Variants in STX12 observed in about 807,000 individuals in gnomAD.
The protein encoded by STX12 is syntaxin-12.
STX12 carries 17 observed loss-of-function variants against 42.2 expected under a neutral mutation model. That is an observed-to-expected ratio of 0.40 (90% CI 0.28 to 0.60). The LOEUF is 0.60. STX12 is among the 20% of genes least tolerant of loss of function. STX12 has a pLI of 0.39. For missense variants in STX12, 297 were observed against 330.9 expected, an observed-to-expected ratio of 0.90 and a Z score of 0.79; for synonymous variants, 108 against 116.7, an observed-to-expected ratio of 0.93 and a Z score of 0.48.
At chr1:27,776,356 T>C (rs559660942) in intron 1 of STX12, among the ~76,000 whole-genome samples, 6 of 152,140 alleles carry the variant, frequency 3.9e-5, no homozygotes, top group African/African-American at 1.4e-4. Context: ...CAAATGACAA[T>C]ATCTGAATTT....
chr1:27,780,585 T>A (rs1485808887), intron 1 of STX12, among the ~76,000 whole-genome samples: 1 of 152,100 alleles, frequency 6.6e-6, no homozygotes, highest in Non-Finnish European at 1.5e-5. Context: ...TCCCCTTCCA[T>A]GTATTAACCT....
intron 4 of STX12, among the ~76,000 whole-genome samples, chr1:27,808,244 G>A (rs1272903259): frequency 1.3e-5 from 2 of 151,724 alleles, no homozygotes; most frequent in Non-Finnish European, 2.9e-5. Context: ...GTCCTGTATT[G>A]CTATTATAAA....
intron 1 of STX12, among the ~76,000 whole-genome samples, chr1:27,788,782 C>A (rs186759358): frequency 2.0e-5 from 3 of 152,194 alleles, no homozygotes; most frequent in East Asian, 3.9e-4. Flanking sequence ...GAGGCCGAGG[C>A]GAGTGGATCA....
chr1:27,777,320 T>C (rs1308411888), intron 1 of STX12, among the ~76,000 whole-genome samples: 2 of 151,392 alleles, frequency 1.3e-5, no homozygotes, highest in African/African-American at 2.4e-5. Context: ...AAAGGCATTC[T>C]AGGTAGAGGG....
At chr1:27,812,345 CT>C in intron 6 of STX12, 77 bp downstream of exon 6, 1 of 1,076,748 alleles carries the variant, frequency 9.3e-7, no homozygotes, top group Non-Finnish European at 1.4e-6. Flanking sequence ...CTTTAATTCT[CT>C]TAGTGATTAT....
chr1:27,775,280 T>A (rs2088621733), intron 1 of STX12, among the ~76,000 whole-genome samples: 1 of 152,120 alleles, frequency 6.6e-6, no homozygotes, highest in Non-Finnish European at 1.5e-5. Context: ...TAAATTTAAA[T>A]TTTTATTTTG....
At chr1:27,803,422 G>A (rs2088839067) in intron 4 of STX12, among the ~76,000 whole-genome samples, 1 of 152,158 alleles carries the variant, frequency 6.6e-6, no homozygotes, top group South Asian at 2.1e-4. Flanking sequence ...GAATGTTGAT[G>A]AAGGACAATA....
intron 5 of STX12, among the ~76,000 whole-genome samples, chr1:27,811,592 C>T (rs1377500847): frequency 6.6e-6 from 1 of 151,878 alleles, no homozygotes; most frequent in African/African-American, 2.4e-5. Flanking sequence ...CTGCCTCGGC[C>T]TCCCAAAGTG....
chr1:27,790,677 C>T (rs11247687), intron 2 of STX12, among the ~76,000 whole-genome samples: 14,717 of 152,246 alleles, frequency 0.097, 2,392 homozygotes, highest in African/African-American at 0.33. Flanking sequence ...TGCAGTGACT[C>T]ATGCCTGTAA....
rs761541320 is a variant in STX12, at chr1:27,773,372, TCAGCAGCATCATCCAGACGTG to T, written c.70_90del (p.Ser24_Ser30del). 11 of 1,613,798 alleles carry T rather than the reference TCAGCAGCATCATCCAGACGTG, an allele frequency of 6.8e-6. No homozygotes were observed. Among genetic ancestry groups the T allele is most frequent in the Non-Finnish European group, 9.3e-6 (11 of 1,179,776 alleles). ...CCCTCGGGGCCCCAGCTCCGGGACT[TCAGCAGCATCATCCAGACGTG>T]CAGCGGCAACATCCAGCGGATCAGC... On this transcript the variant is annotated inframe_deletion, in exon 1 of 9. Transcript: ENST00000373943.
Position 27,773,370 on chromosome 1 carries a change from C to A in STX12, c.63C>A (p.Asp21Glu). 1 of 1,613,832 alleles carries A rather than the reference C, an allele frequency of 6.2e-7. No individual in the cohort carries two copies. Among genetic ancestry groups the A allele is most frequent in the Non-Finnish European group, 8.5e-7 (1 of 1,179,806 alleles). ...GGCCCTCGGGGCCCCAGCTCCGGGA[C>A]TTCAGCAGCATCATCCAGACGTGCA... ...NPGPSGPQLR[D>E]FSSIIQTCSG... is the part of the protein sequence containing the mutation. The change falls in exon 1 of 9, where the codon GAC (aspartate) becomes GAA (glutamate). Residue 21 changes from aspartate to glutamate, a missense_variant. Asp to Glu is a conservative substitution (Grantham distance 45). Coordinates refer to ENST00000373943, the MANE Select transcript of STX12 (RefSeq NM_177424.3).
chr1:27,819,903 T>A, intron 8 of STX12, 171 bp downstream of exon 8: 2 of 541,968 alleles, frequency 3.7e-6, no homozygotes, highest in Non-Finnish European at 6.6e-6. Context: ...CAGATAGATC[T>A]ACAAAAAATA....
At chr1:27,805,365 A>C (rs1013911642) in intron 4 of STX12, among the ~76,000 whole-genome samples, 3 of 152,212 alleles carry the variant, frequency 2.0e-5, no homozygotes, top group African/African-American at 7.2e-5. Context: ...GAATTAAATT[A>C]GATTTTTCAT....
In STX12 at chr1:27,817,773, A is replaced by G. The variant is rs1179066431; in HGVS notation, c.577-78A>G. On this transcript the variant is annotated intron_variant, in intron 6 of 8. Transcript: ENST00000373943. ...CTTAAAAACACACGTGTTAATAGCT[A>G]AAACTTTAGGTACGTGAGGGAAACA... is the stretch of plus-strand genomic sequence containing the variant. 6.8e-6 allele frequency: 9 copies of G among 1,325,968 alleles called. No individual in the cohort carries two copies. In the East Asian group the frequency reaches 2.1e-4, roughly 31 times the overall value. The allele number at this position is 1,325,968 out of a possible 1,614,324, so 82.1% of individuals were successfully genotyped here. A position where few individuals can be genotyped will look rare whatever the true frequency, so the allele number is the denominator to read the frequency against.
chr1:27,803,959 C>T (rs1265235976), intron 4 of STX12, among the ~76,000 whole-genome samples: 3 of 151,804 alleles, frequency 2.0e-5, no homozygotes, highest in African/African-American at 7.3e-5. Flanking sequence ...TGAGATTGTG[C>T]CCCTGTGCTC....
At chr1:27,817,169 T>A (rs561025378) in intron 6 of STX12, among the ~76,000 whole-genome samples, 2 of 152,248 alleles carry the variant, frequency 1.3e-5, no homozygotes, top group East Asian at 3.9e-4. Flanking sequence ...AATGTTAAAT[T>A]CTTCCACTGC....
intron 3 of STX12, among the ~76,000 whole-genome samples, chr1:27,797,417 C>T (rs943166938): frequency 6.6e-6 from 1 of 152,090 alleles, no homozygotes; most frequent in African/African-American, 2.4e-5. Flanking sequence ...CTGAAACTTT[C>T]TTCTTGCCAT....
At position 27,824,402 on chromosome 1, in the gene STX12, A is replaced by C. The variant is rs1249413039; in HGVS notation, c.*2073A>C. ...GGCCTAGAATTTGTGGTAGTTGCCAAAGAGGTTCTCCTAGGTGGTCTTAAT... is the reference window on the plus strand; with the variant it reads ...GGCCTAGAATTTGTGGTAGTTGCCACAGAGGTTCTCCTAGGTGGTCTTAAT... On this transcript the variant is annotated 3_prime_UTR_variant, in exon 9 of 9. Coordinates refer to ENST00000373943, the MANE Select transcript of STX12 (RefSeq NM_177424.3). The C allele has an allele frequency of 6.6e-6, 1 of 152,214 alleles. No individual in the cohort carries two copies. The highest frequency in any genetic ancestry group is 1.5e-5 in the Non-Finnish European group (1 of 68,050). The allele number at this position is 152,214 out of a possible 1,614,324, so 9.4% of individuals were successfully genotyped here. A position where few individuals can be genotyped will look rare whatever the true frequency, so the allele number is the denominator to read the frequency against.
intron 6 of STX12, among the ~76,000 whole-genome samples, chr1:27,816,789 G>C (rs1324255902): frequency 6.6e-6 from 1 of 151,962 alleles, no homozygotes; most frequent in African/African-American, 2.4e-5. Flanking sequence ...GGTGGCATGG[G>C]CCTGTAATCC....
Sources: gnomAD v4.1 joint callset for allele counts (sites outside exome capture counted in the v4.1 genomes callset) on GRCh38, gnomAD v4.1.1 for gene constraint, MANE v1.5 for transcripts, NCBI Gene and HGNC (gene_info 2026-07-23, HGNC 2026-07-21) for gene names.